The following SPTBN1 variants were observed in gnomAD, a reference collection of about 807,000 sequenced individuals.
The protein encoded by SPTBN1 is spectrin beta, non-erythrocytic 1, also known as spectrin beta chain, non-erythrocytic 1.
Under a neutral mutation model 266.4 loss-of-function variants are expected in SPTBN1, and 32 were observed. The ratio of observed to expected loss-of-function variants is 0.12; its 90% confidence interval spans 0.09 to 0.16. The LOEUF (loss-of-function observed/expected upper bound fraction) is 0.16. SPTBN1 is among the 10% of genes least tolerant of loss of function. SPTBN1 has a pLI of 1.00. For synonymous variants in SPTBN1, 1,336 were observed against 1,162.2 expected (o/e 1.15, Z -3.04); for missense variants, 2,296 against 3,067.1 (o/e 0.75, Z 5.94).
intron 2 of SPTBN1, among the ~76,000 whole-genome samples, chr2:54,571,791 T>C (rs1674105297): frequency 6.6e-6 from 1 of 152,170 alleles, no homozygotes; most frequent in Non-Finnish European, 1.5e-5. Context: ...TAAAGTAATA[T>C]AAGCAGTAAT....
chr2:54,659,824 A>G (rs551462269), intron 31 of SPTBN1, 112 bp from the exon 32 acceptor site: 7 of 1,462,442 alleles, frequency 4.8e-6, no homozygotes, highest in Non-Finnish European at 6.3e-6. Flanking sequence ...AAATTATGTG[A>G]AAAGGTTGCA....
rs752176763 is a variant in SPTBN1 at position 54,630,843 on chromosome 2, C to A, written c.2808-12C>A. 3.2e-6 allele frequency: 5 copies of A among 1,560,254 alleles called. No individual in the cohort carries two copies. The highest frequency in any genetic ancestry group is 3.5e-6 in the Non-Finnish European group (4 of 1,151,260). Reference sequence around the variant, plus strand: ...CCTTTTTCACACTCGCTGTCTGCCCCTGCACTCACAGGTGGAGCCAGTTCA... The same window carrying A: ...CCTTTTTCACACTCGCTGTCTGCCCATGCACTCACAGGTGGAGCCAGTTCA... On this transcript the variant is annotated splice_polypyrimidine_tract_variant and intron_variant, in intron 15 of 35. Transcript: ENST00000356805.
chr2:54,477,316 C>T (rs1323035541), intron 1 of SPTBN1, among the ~76,000 whole-genome samples: 1 of 152,010 alleles, frequency 6.6e-6, no homozygotes, highest in Non-Finnish European at 1.5e-5. Flanking sequence ...GCCTCCCCAA[C>T]CCCCGTTTTG....
intron 1 of SPTBN1, among the ~76,000 whole-genome samples, chr2:54,512,969 G>A (rs1305286771): frequency 2.0e-5 from 3 of 152,148 alleles, no homozygotes; most frequent in Non-Finnish European, 2.9e-5. Context: ...AGGCTGAGGC[G>A]GGCAGATCAC....
Position 54,653,648 on chromosome 2 carries a change from G to T in SPTBN1, c.5617G>T (p.Ala1873Ser). ...LQEDAARLQA[A>S]YAGDKADDIQ... ...GGAGGATGCAGCCCGCCTCCAGGCG[G>T]CCTATGCGGGTGACAAGGCCGACGA... The change falls in exon 27 of 36, where the codon GCC becomes TCC. Residue 1873 changes from alanine (A) to serine (S), a missense_variant. Coordinates refer to ENST00000356805, the MANE Select transcript of SPTBN1 (RefSeq NM_003128.3). This position sits in a 1 kb window ranked among gnomAD's most constrained non-coding sequence, Gnocchi z 5.1. The T allele has an allele frequency of 6.2e-7, 1 of 1,614,024 alleles. No individual in the cohort carries two copies. The highest frequency in any genetic ancestry group is 8.5e-7 in the Non-Finnish European group (1 of 1,180,000).
In SPTBN1 at chr2:54,507,347, G is replaced by A. The variant is rs139100345; in HGVS notation, c.-47-19025G>A. ...AAATAAAATAGTGGTAAAGTGTTGGGGTGGGGAAAATTTTGGGGGGTGGTA... is the reference window on the plus strand; with the variant it reads ...AAATAAAATAGTGGTAAAGTGTTGGAGTGGGGAAAATTTTGGGGGGTGGTA... On this transcript the variant is annotated intron_variant, in intron 1 of 35. Transcript: ENST00000356805. Among the ~76,000 whole-genome samples the A allele has an allele frequency of 2.4e-3, 362 of 152,124 alleles. 6 individuals carry two copies. Among genetic ancestry groups the A allele is most frequent in the East Asian group, 0.023 (118 of 5,184 alleles).
chr2:54,478,075 G>C (rs1190601854), intron 1 of SPTBN1, among the ~76,000 whole-genome samples: 1 of 152,112 alleles, frequency 6.6e-6, no homozygotes, highest in Admixed American at 6.6e-5. Context: ...CATACATTAA[G>C]AAAACATTTT....
At chr2:54,534,384 A>G (rs1671471167) in intron 2 of SPTBN1, among the ~76,000 whole-genome samples, 1 of 152,164 alleles carries the variant, frequency 6.6e-6, no homozygotes, top group South Asian at 2.1e-4. Context: ...ACTATTTGTG[A>G]AAGAGGTGTG....
chr2:54,499,098 C>T (rs1669120856), intron 1 of SPTBN1, among the ~76,000 whole-genome samples: 1 of 151,802 alleles, frequency 6.6e-6, no homozygotes, highest in Non-Finnish European at 1.5e-5. Flanking sequence ...ACCAGCCATG[C>T]AGAAGCCTTC....
chr2:54,641,062 T>G (rs1454516212), intron 18 of SPTBN1, among the ~76,000 whole-genome samples: 1 of 152,226 alleles, frequency 6.6e-6, no homozygotes, highest in African/African-American at 2.4e-5. Flanking sequence ...CATTTTTTCC[T>G]TATCTTTTTC....
chr2:54,618,449 CAGGA>C (rs1677776929), intron 7 of SPTBN1, among the ~76,000 whole-genome samples: 2 of 152,148 alleles, frequency 1.3e-5, no homozygotes, highest in African/African-American at 4.8e-5. Context: ...GGTGCAGAAC[CAGGA>C]AAGAAGAAGG....
chr2:54,592,254 AAAAAG>A (rs1221546400), intron 2 of SPTBN1, among the ~76,000 whole-genome samples: 2 of 152,228 alleles, frequency 1.3e-5, no homozygotes, highest in Non-Finnish European at 2.9e-5. Context: ...GTCATTCCCT[AAAAAG>A]AAAAGAAGTA....
chr2:54,641,355 G>A (rs183205727), intron 18 of SPTBN1, among the ~76,000 whole-genome samples: 25 of 152,294 alleles, frequency 1.6e-4, no homozygotes, highest in African/African-American at 5.3e-4. Context: ...GCGAAAATAT[G>A]TGAATGTCCT....
rs894034255 is a variant in SPTBN1, at chr2:54,670,852, G to A, written c.*2283G>A. 2 of 398,286 alleles carry A rather than the reference G, an allele frequency of 5.0e-6. No individual in the cohort carries two copies. Among genetic ancestry groups the A allele is most frequent in the South Asian group, 1.3e-4 (1 of 7,856 alleles). The allele number at this position is 398,286 out of a possible 1,614,324, so 24.7% of individuals were successfully genotyped here. Reference sequence around the variant, plus strand: ...ATGTGGAAGATGATGGGCAGCGAGAGGAGCGTCAGAAGACCCCAGTCAAGA... The same window carrying A: ...ATGTGGAAGATGATGGGCAGCGAGAAGAGCGTCAGAAGACCCCAGTCAAGA... On this transcript the variant is annotated 3_prime_UTR_variant, in exon 36 of 36. Coordinates refer to ENST00000356805, the MANE Select transcript of SPTBN1 (RefSeq NM_003128.3).
At chr2:54,456,712 G>T (rs1465668199) in intron 1 of SPTBN1, among the ~76,000 whole-genome samples, 194 bp downstream of exon 1, 1 of 150,810 alleles carries the variant, frequency 6.6e-6, no homozygotes, top group African/African-American at 2.4e-5. Flanking sequence ...GGCGCGGGGA[G>T]CCCGGGTCGC....
chr2:54,590,213 C>G (rs186566128), intron 2 of SPTBN1, among the ~76,000 whole-genome samples: 1 of 152,130 alleles, frequency 6.6e-6, no homozygotes, highest in Non-Finnish European at 1.5e-5. Context: ...CATTTTTATC[C>G]GTATTTCAGA....
chr2:54,491,654 A>G (rs969150349), intron 1 of SPTBN1, among the ~76,000 whole-genome samples: 1 of 151,944 alleles, frequency 6.6e-6, no homozygotes, highest in Non-Finnish European at 1.5e-5. Flanking sequence ...CAGTGGTGCA[A>G]ACACACTTCA....
At chr2:54,624,618 G>T (rs1678207527) in intron 10 of SPTBN1, among the ~76,000 whole-genome samples, 186 bp from the exon 11 acceptor site, 1 of 152,156 alleles carries the variant, frequency 6.6e-6, no homozygotes, top group Non-Finnish European at 1.5e-5. Context: ...TTCCCATGAG[G>T]ATACACTGAG....
At chr2:54,504,301 A>G (rs1438256769) in intron 1 of SPTBN1, among the ~76,000 whole-genome samples, 2 of 152,202 alleles carry the variant, frequency 1.3e-5, no homozygotes, top group Admixed American at 6.5e-5. Flanking sequence ...TTGGATTTTC[A>G]TATCTATTTA....
Sources: allele counts gnomAD v4.1 joint callset (sites outside exome capture counted in the v4.1 genomes callset), GRCh38; gene constraint gnomAD v4.1.1; non-coding constraint Gnocchi (gnomAD v3.1); transcripts MANE v1.5; gene names NCBI Gene and HGNC (gene_info 2026-07-23, HGNC 2026-07-21).